Variants in CHAC2 observed in about 807,000 individuals in gnomAD.
CHAC2 encodes glutathione-specific gamma-glutamylcyclotransferase 2.
Under a neutral mutation model 16.9 loss-of-function variants are expected in CHAC2, and 20 were observed. The ratio of observed to expected loss-of-function variants is 1.18; its 90% CI spans 0.83 to 1.72. The LOEUF (loss-of-function observed/expected upper bound fraction) is 1.72, where lower values mean the gene tolerates loss of function less well. Ranked by LOEUF, CHAC2 falls within the 40% of genes most tolerant of loss-of-function variation. The pLI, the probability that CHAC2 is intolerant of heterozygous loss-of-function variation, is 0.00. For synonymous variants in CHAC2, 91 were observed against 77.3 expected (o/e 1.18, Z -0.93); for missense variants, 269 against 222.2 (o/e 1.21, Z -1.34).
intron 2 of CHAC2, among the ~76,000 whole-genome samples, chr2:53,773,790 A>G (rs569008100): frequency 5.2e-4 from 78 of 150,984 alleles, no homozygotes; most frequent in Non-Finnish European, 9.3e-4. Flanking sequence ...ATCCCAGCAC[A>G]CTGGGAGGCC....
chr2:53,768,525 G>A (rs1270615855), intron 1 of CHAC2, among the ~76,000 whole-genome samples: 1 of 152,136 alleles, frequency 6.6e-6, no homozygotes, highest in Non-Finnish European at 1.5e-5. Context: ...TCTTTCAAAA[G>A]TTTTATTTTC....
chr2:53,772,455 T>A (rs922239748), intron 2 of CHAC2, among the ~76,000 whole-genome samples: 28 of 152,264 alleles, frequency 1.8e-4, no homozygotes, highest in South Asian at 6.2e-4. Context: ...ATTACAGGCA[T>A]GAGCCACCGC....
chr2:53,773,002 A>G (rs1674051400), intron 2 of CHAC2, among the ~76,000 whole-genome samples: 1 of 152,164 alleles, frequency 6.6e-6, no homozygotes, highest in Non-Finnish European at 1.5e-5. Flanking sequence ...CAGATTCAGA[A>G]TTTTATATTG....
At chr2:53,768,660 C>T (rs913951173) in intron 1 of CHAC2, among the ~76,000 whole-genome samples, 7 of 152,142 alleles carry the variant, frequency 4.6e-5, no homozygotes, top group African/African-American at 1.7e-4. Context: ...GTACCAAACT[C>T]ATTACTATAT....
intron 1 of CHAC2, among the ~76,000 whole-genome samples, chr2:53,769,707 G>A (rs901366276): frequency 6.6e-6 from 1 of 152,240 alleles, no homozygotes; most frequent in African/African-American, 2.4e-5. Context: ...TTAGCTGGGC[G>A]TGGTGGCGCA....
At chr2:53,773,807 G>A (rs1216476870) in intron 2 of CHAC2, among the ~76,000 whole-genome samples, 10 of 151,990 alleles carry the variant, frequency 6.6e-5, no homozygotes. Context: ...GGCCGAGGCA[G>A]GTGGATCACT....
rs571176458 is a variant in CHAC2 at position 53,768,607 on chromosome 2, T to C, written c.135+586T>C. Among the ~76,000 whole-genome samples, 65 of 152,350 alleles carry C rather than the reference T, an allele frequency of 4.3e-4. No homozygotes were observed. In the South Asian group the frequency reaches 0.013, roughly 32 times the overall value. The stretch of plus-strand genomic sequence containing the variant: ...TTAAGGAACTCACTTTGGTTTTCAG[T>C]ACTAGTGAAGTTAAATGAAGTTCTG... On this transcript the variant is annotated intron_variant, in intron 1 of 2. Coordinates refer to ENST00000295304, the MANE Select transcript of CHAC2 (RefSeq NM_001008708.4).
chr2:53,771,921 G>C lies in CHAC2; in HGVS notation c.150G>C (p.Val50=). The change falls in exon 2 of 3, where the codon GTG becomes GTC. Residue 50 remains valine, a synonymous_variant. Transcript: ENST00000295304. ...RGVPGKPGRV[V]TLVEDPAGCV... ...TTTTAAAACAGCCTGGAAGAGTTGTGACTCTTGTTGAAGATCCTGCGGTAT... is the reference window on the plus strand; with the variant it reads ...TTTTAAAACAGCCTGGAAGAGTTGTCACTCTTGTTGAAGATCCTGCGGTAT... 6.4e-7 allele frequency: 1 copy of C among 1,565,250 alleles called. No individual in the cohort carries two copies. The highest frequency in any genetic ancestry group is 1.4e-5 in the African/African-American group (1 of 73,056).
chr2:53,772,282 C>G (rs927835188), intron 2 of CHAC2, among the ~76,000 whole-genome samples: 1 of 152,134 alleles, frequency 6.6e-6, no homozygotes, highest in Non-Finnish European at 1.5e-5. Flanking sequence ...TCACGCCATT[C>G]TCCTGCCTCA....
In CHAC2 at chr2:53,771,956, ATTC is replaced by A. The variant is rs747720538; in HGVS notation, c.171+17_171+19del. 1.7e-5 allele frequency: 24 copies of A among 1,419,206 alleles called. No individual in the cohort carries two copies. In the East Asian group the frequency reaches 3.8e-4, roughly 23 times the overall value. The allele number at this position is 1,419,206 out of a possible 1,614,324, so 87.9% of individuals were successfully genotyped here. A position where few individuals can be genotyped will look rare whatever the true frequency, so the allele number is the denominator to read the frequency against. ...GAAGATCCTGCGGTATGGTATAAAT[ATTC>A]TTTTTTGTATAATTTTAATTTTATA... On this transcript the variant is annotated intron_variant, in intron 2 of 2. Transcript: ENST00000295304.
intron 1 of CHAC2, among the ~76,000 whole-genome samples, chr2:53,771,408 G>A (rs1673898182): frequency 6.6e-6 from 1 of 152,116 alleles, no homozygotes; most frequent in Non-Finnish European, 1.5e-5. Context: ...AACTACTCAG[G>A]AGGCTGAGGT....
At position 53,774,859 on chromosome 2, in the gene CHAC2, A is replaced by G; in HGVS notation, c.*334A>G. The G allele has an allele frequency of 5.5e-6, 1 of 183,206 alleles. No homozygotes were observed. The highest frequency in any genetic ancestry group is 1.1e-5 in the Non-Finnish European group (1 of 88,378). 11.3% of individuals were successfully genotyped at this position (183,206 alleles called of 1,614,324 possible). ...TCCCAATACTATTTTGAAATTCTAA[A>G]CAATTAAACCAAAATTCCAATAAAT... is the stretch of plus-strand genomic sequence containing the variant. On this transcript the variant is annotated 3_prime_UTR_variant, in exon 3 of 3. Transcript: ENST00000295304.
At chr2:53,771,825 C>A in intron 1 of CHAC2, 82 bp from the exon 2 acceptor site, 1 of 771,248 alleles carries the variant, frequency 1.3e-6, no homozygotes, top group Non-Finnish European at 2.3e-6. Context: ...TCAAATATTC[C>A]ATGTCAAAAA....
chr2:53,768,432 A>C (rs540050507), intron 1 of CHAC2, among the ~76,000 whole-genome samples: 5 of 152,218 alleles, frequency 3.3e-5, no homozygotes, highest in Non-Finnish European at 7.3e-5. Context: ...TTTAGCAATT[A>C]AATTTGTTGG....
At chr2:53,771,723 T>C (rs535895121) in intron 1 of CHAC2, among the ~76,000 whole-genome samples, 184 bp from the exon 2 acceptor site, 9 of 152,278 alleles carry the variant, frequency 5.9e-5, no homozygotes, top group African/African-American at 1.9e-4. Context: ...CAACACAGTC[T>C]CTAGATAAGG....
chr2:53,773,945 G>A (rs1186024154), intron 2 of CHAC2, among the ~76,000 whole-genome samples, 197 bp from the exon 3 acceptor site: 1 of 152,072 alleles, frequency 6.6e-6, no homozygotes, highest in African/African-American at 2.4e-5. Context: ...TGAGGCAGGA[G>A]AATAGCTTGA....
intron 2 of CHAC2, among the ~76,000 whole-genome samples, chr2:53,772,540 A>G (rs1224533553): frequency 6.6e-6 from 1 of 152,012 alleles, no homozygotes; most frequent in Non-Finnish European, 1.5e-5. Context: ...ATTAACGGAA[A>G]TACCTGCCCC....
rs1674217372 is a variant in CHAC2, at chr2:53,774,781, A to G, written c.*256A>G. 2 of 318,008 alleles carry G rather than the reference A, an allele frequency of 6.3e-6. No homozygotes were observed. Among genetic ancestry groups the G allele is most frequent in the East Asian group, 1.1e-4 (2 of 17,982 alleles). 19.7% of individuals were successfully genotyped at this position (318,008 alleles called of 1,614,324 possible). A position where few individuals can be genotyped will look rare whatever the true frequency, so the allele number is the denominator to read the frequency against. ...GTGAGTTCTTTAGAAAAATACAGTGAAGGACTCAGTTCAGTCTTGTTTTTA... is the reference window on the plus strand; with the variant it reads ...GTGAGTTCTTTAGAAAAATACAGTGGAGGACTCAGTTCAGTCTTGTTTTTA... On this transcript the variant is annotated 3_prime_UTR_variant, in exon 3 of 3. Coordinates refer to ENST00000295304, the MANE Select transcript of CHAC2 (RefSeq NM_001008708.4).
chr2:53,770,610 A>G (rs1255872990), intron 1 of CHAC2, among the ~76,000 whole-genome samples: 2 of 152,120 alleles, frequency 1.3e-5, no homozygotes, highest in Non-Finnish European at 2.9e-5. Flanking sequence ...TTCCATTTAT[A>G]AGCAAAGACT....
Sources: gnomAD v4.1 joint callset for allele counts (sites outside exome capture counted in the v4.1 genomes callset) on GRCh38, gnomAD v4.1.1 for gene constraint, MANE v1.5 for transcripts, NCBI Gene and HGNC (gene_info 2026-07-23, HGNC 2026-07-21) for gene names.